The following FNBP1 variants were observed in gnomAD, a reference collection of about 807,000 sequenced individuals.
FNBP1 encodes the protein formin binding protein 1.
In FNBP1, 26 loss-of-function variants were observed where a neutral mutation model predicts 90.6. The observed-to-expected ratio is 0.29, with a 90% CI of 0.21 to 0.40. The LOEUF (loss-of-function observed/expected upper bound fraction) is 0.40, where lower values mean the gene tolerates loss of function less well. Among genes scored for constraint, FNBP1 ranks in the 10% least tolerant of loss-of-function variants. FNBP1 has a pLI of 1.00. For synonymous variants in FNBP1, 260 were observed against 265.2 expected, an observed-to-expected ratio of 0.98 and a Z score of 0.19; for missense variants, 635 against 768.0, an observed-to-expected ratio of 0.83 and a Z score of 2.05.
chr9:129,952,259 G>A (rs763625571), intron 6 of FNBP1, among the ~76,000 whole-genome samples: 7 of 151,632 alleles, frequency 4.6e-5, no homozygotes, highest in South Asian at 2.1e-4. Flanking sequence ...TAGCACTTTC[G>A]GAGGCTGAGG....
rs774615028 is a variant in FNBP1, at chr9:129,978,500, G to A, written c.310C>T (p.Arg104Cys). ...MASQIIVDLA[R>C]YVQELKQERK... The stretch of plus-strand genomic sequence containing the variant: ...TCCTGTTTCAGTTCCTGAACATAGC[G>A]TGCCAAGTCCACAATGATCTGTGAT... The change falls in exon 4 of 17, where the codon CGC (arginine) becomes TGC (cysteine). Residue 104 changes from arginine (R) to cysteine (C), a missense_variant. Physicochemically the swap from Arg to Cys is radical, Grantham distance 180. Transcript: ENST00000446176. 5 of 1,613,340 alleles carry A rather than the reference G, an allele frequency of 3.1e-6. No individual in the cohort carries two copies. Among genetic ancestry groups the A allele is most frequent in the Admixed American group, 1.7e-5 (1 of 59,964 alleles).
At position 129,957,033 on chromosome 9, in the gene FNBP1, T is replaced by G. The variant is rs2047048421; in HGVS notation, c.513+327A>C. 9.9e-6 allele frequency among the ~76,000 whole-genome samples: 1 copy of G among 100,972 alleles called. No homozygotes were observed. The highest frequency in any genetic ancestry group is 3.7e-5 in the African/African-American group (1 of 27,102). The allele number at this position is 100,972 out of a possible 152,430, so 66.2% of individuals were successfully genotyped here. ...GGGAAATGAAAGACACACTTGAGCT[T>G]TCTTTTGTCTTTTTTTTTTTTTGGC... On this transcript the variant is annotated intron_variant, in intron 6 of 16. Transcript: ENST00000446176. The surrounding 1 kb of genome is among the most constrained non-coding windows in gnomAD (Gnocchi z 4.3).
Position 129,925,116 on chromosome 9 carries a change from C to T in FNBP1, c.831G>A (p.Glu277=), listed in dbSNP as rs1373472007. Residue 277 remains glutamate (E), a synonymous_variant, in exon 9 of 17, where the codon GAG becomes GAA. Transcript: ENST00000446176. The part of the protein sequence containing the change: ...LVIEAYKSGF[E]PPGDIEFEDY... ...CCTCAAATTCAATGTCTCCAGGAGG[C>T]TCAAACCCTGATTTATAAGCTTCTA... 3 of 1,613,800 alleles carry T rather than the reference C, an allele frequency of 1.9e-6. No homozygotes were observed. Among genetic ancestry groups the T allele is most frequent in the South Asian group, 2.2e-5 (2 of 91,074 alleles).
intron 6 of FNBP1, among the ~76,000 whole-genome samples, chr9:129,956,777 C>A (rs563435849): frequency 6.6e-6 from 1 of 152,186 alleles, no homozygotes; most frequent in Non-Finnish European, 1.5e-5. Flanking sequence ...AGAGCCACAA[C>A]CTTCTGGAAC....
chr9:129,930,238 T>A (rs972372403), intron 6 of FNBP1, among the ~76,000 whole-genome samples: 2 of 152,006 alleles, frequency 1.3e-5, no homozygotes, highest in Non-Finnish European at 2.9e-5. Flanking sequence ...TTTTTGTATT[T>A]TTTTTGTAGA....
intron 4 of FNBP1, among the ~76,000 whole-genome samples, chr9:129,976,438 T>C (rs1286691504): frequency 5.3e-5 from 8 of 152,360 alleles, no homozygotes; most frequent in Non-Finnish European, 8.8e-5. Flanking sequence ...TCTCAGTTTA[T>C]TGGCATATTG....
rs1392404598 is a variant in FNBP1, at chr9:129,966,535, C to A, written c.346-7982G>T. Among the ~76,000 whole-genome samples, 1 of 152,046 alleles carries A rather than the reference C, an allele frequency of 6.6e-6. No homozygotes were observed. The highest frequency in any genetic ancestry group is 2.4e-5 in the African/African-American group (1 of 41,388). ...TTTGAGGTCAGGAGTTCGAGACCAG[C>A]CTGGCCAACATGATGAAATGCCGTC... On this transcript the variant is annotated intron_variant, in intron 4 of 16. Coordinates refer to ENST00000446176, the MANE Select transcript of FNBP1 (RefSeq NM_015033.3). This position sits in a 1 kb window ranked among gnomAD's most constrained non-coding sequence, Gnocchi z 4.3.
At chr9:129,955,041 C>G (rs1358498309) in intron 6 of FNBP1, among the ~76,000 whole-genome samples, 1 of 151,994 alleles carries the variant, frequency 6.6e-6, no homozygotes, top group Non-Finnish European at 1.5e-5. Flanking sequence ...GAAGCACTCT[C>G]TTTGCAATCA....
intron 2 of FNBP1, among the ~76,000 whole-genome samples, chr9:129,990,213 A>G (rs2052909322): frequency 6.6e-6 from 1 of 152,254 alleles, no homozygotes; most frequent in Non-Finnish European, 1.5e-5. Flanking sequence ...ATACAATTTT[A>G]TATACAAATA....
At chr9:130,022,103 C>T (rs1202650615) in intron 1 of FNBP1, among the ~76,000 whole-genome samples, 5 of 152,172 alleles carry the variant, frequency 3.3e-5, no homozygotes, top group Non-Finnish European at 5.9e-5. Context: ...AAGTGATCCA[C>T]CCGCCTCAGC....
chr9:130,044,253 A>C (rs917260361), upstream of FNBP1, among the ~76,000 whole-genome samples: 4 of 152,186 alleles, frequency 2.6e-5, no homozygotes, highest in African/African-American at 9.7e-5. Flanking sequence ...GCCCCCAGTT[A>C]AAAAATATTT....
At chr9:129,971,169 G>A (rs924517338) in intron 4 of FNBP1, among the ~76,000 whole-genome samples, 1 of 151,894 alleles carries the variant, frequency 6.6e-6, no homozygotes, top group Non-Finnish European at 1.5e-5. Context: ...GGGATTACAG[G>A]TGTGAGCCAC....
At chr9:129,989,806 G>A (rs1471354725) in intron 2 of FNBP1, among the ~76,000 whole-genome samples, 1 of 152,158 alleles carries the variant, frequency 6.6e-6, no homozygotes, top group East Asian at 1.9e-4. Flanking sequence ...GGGAGGCCTC[G>A]GTCAGAGGAT....
rs540216032 is a variant in FNBP1, at chr9:129,970,351, A to G, written c.345+8114T>C. Among the ~76,000 whole-genome samples, 5 of 152,174 alleles carry G rather than the reference A, an allele frequency of 3.3e-5. No homozygotes were observed. The South Asian group carries it at 1.0e-3, about 32-fold the overall frequency. ...CTCCCGAGTAGCTGGGATTGCAGACATGCACAACCAAGCCCAGCTAATTTT... is the reference window on the plus strand; with the variant it reads ...CTCCCGAGTAGCTGGGATTGCAGACGTGCACAACCAAGCCCAGCTAATTTT... On this transcript the variant is annotated intron_variant, in intron 4 of 16. Transcript: ENST00000446176.
At chr9:129,905,667 G>GT (rs34079086) in intron 12 of FNBP1, among the ~76,000 whole-genome samples, 23,738 of 151,964 alleles carry the variant, frequency 0.16, 2,194 homozygotes, top group Middle Eastern at 0.25. Flanking sequence ...GAGATAGATC[G>GT]TAAGTGAGGA....
upstream of FNBP1, among the ~76,000 whole-genome samples, chr9:130,043,537 G>A (rs1391915900): frequency 1.3e-5 from 2 of 152,236 alleles, no homozygotes; most frequent in South Asian, 2.1e-4. Context: ...TGCGCGTATC[G>A]CCGCTCTGGA....
chr9:130,033,742 C>T (rs1365164480), intron 1 of FNBP1, among the ~76,000 whole-genome samples: 1 of 150,670 alleles, frequency 6.6e-6, no homozygotes, highest in African/African-American at 2.4e-5. Context: ...CCTGTAATCA[C>T]AGAATTTTGG....
chr9:129,977,442 T>A (rs58044849), intron 4 of FNBP1, among the ~76,000 whole-genome samples: 2,643 of 151,966 alleles, frequency 0.017, 30 homozygotes, highest in African/African-American at 0.021. Flanking sequence ...TGGATGTAAC[T>A]GGGGACATCT....
At chr9:129,946,133 C>T (rs2045252699) in intron 6 of FNBP1, among the ~76,000 whole-genome samples, 1 of 151,988 alleles carries the variant, frequency 6.6e-6, no homozygotes, top group South Asian at 2.1e-4. Context: ...GGTGCCACTG[C>T]ACTCCATCCT....
Sources: allele counts gnomAD v4.1 joint callset (sites outside exome capture counted in the v4.1 genomes callset), GRCh38; gene constraint gnomAD v4.1.1; non-coding constraint Gnocchi (gnomAD v3.1); transcripts MANE v1.5; gene names NCBI Gene and HGNC (gene_info 2026-07-23, HGNC 2026-07-21).